FILIP1L: variants seen among roughly 807,000 people sequenced by gnomAD.
FILIP1L encodes the protein filamin A-interacting protein 1-like.
In FILIP1L, 55 loss-of-function variants were observed where a neutral mutation model predicts 96.6. That is an observed-to-expected ratio of 0.57 (90% confidence interval 0.46 to 0.71). The LOEUF (loss-of-function observed/expected upper bound fraction) is 0.71. Ranked by LOEUF, FILIP1L falls within the 30% of genes least tolerant of loss-of-function variation. The probability of loss-of-function intolerance (pLI) is 0.00; values close to 1 mark genes in which losing one functional copy is unlikely to be tolerated. For synonymous variants in FILIP1L, 467 were observed against 473.9 expected, an observed-to-expected ratio of 0.99 and a Z score of 0.19; for missense variants, 1,304 against 1,321.2, an observed-to-expected ratio of 0.99 and a Z score of 0.20.
intron 5 of FILIP1L, among the ~76,000 whole-genome samples, chr3:99,842,628 C>T (rs531130039): frequency 6.6e-5 from 10 of 152,082 alleles, no homozygotes; most frequent in African/African-American, 2.4e-4. Context: ...CAAAATATTG[C>T]CTCAAATAAT....
chr3:99,950,299 C>G (rs1708138084), intron 1 of FILIP1L, among the ~76,000 whole-genome samples: 1 of 152,150 alleles, frequency 6.6e-6, no homozygotes, highest in Non-Finnish European at 1.5e-5. Flanking sequence ...AGAGCTCTTA[C>G]TAAATGTTAG....
intron 1 of FILIP1L, among the ~76,000 whole-genome samples, chr3:100,063,917 A>T (rs1413745484): frequency 6.6e-6 from 1 of 152,204 alleles, no homozygotes; most frequent in Non-Finnish European, 1.5e-5. Flanking sequence ...ATCTCTCCAC[A>T]TGTTTACCCC....
chr3:100,017,546 A>G (rs915796627), intron 1 of FILIP1L, among the ~76,000 whole-genome samples: 1 of 152,204 alleles, frequency 6.6e-6, no homozygotes, highest in African/African-American at 2.4e-5. Context: ...TTGTATATGT[A>G]CTTTGTGCTG....
chr3:99,865,284 A>G (rs1246235324), intron 4 of FILIP1L, among the ~76,000 whole-genome samples: 1 of 152,234 alleles, frequency 6.6e-6, no homozygotes, highest in Admixed American at 6.5e-5. Context: ...TGGCAGAGCC[A>G]GAATGCCAGT....
At chr3:99,890,798 C>T (rs1706060112) in intron 4 of FILIP1L, among the ~76,000 whole-genome samples, 1 of 151,612 alleles carries the variant, frequency 6.6e-6, no homozygotes, top group South Asian at 2.1e-4. Context: ...GAGGTCTTTG[C>T]AGCTCTGATT....
chr3:100,107,116 C>G (rs191021119), intron 1 of FILIP1L, among the ~76,000 whole-genome samples: 2 of 152,168 alleles, frequency 1.3e-5, no homozygotes, highest in East Asian at 3.9e-4. Flanking sequence ...TCTTTATATT[C>G]TTCCATACAG....
chr3:99,856,998 A>T (rs746014474), intron 4 of FILIP1L, among the ~76,000 whole-genome samples: 4 of 152,146 alleles, frequency 2.6e-5, no homozygotes, highest in Non-Finnish European at 5.9e-5. Flanking sequence ...TAAAATACAG[A>T]CTTCTTGAGA....
At chr3:99,964,897 A>G (rs1014741130) in intron 1 of FILIP1L, among the ~76,000 whole-genome samples, 6 of 152,200 alleles carry the variant, frequency 3.9e-5, no homozygotes, top group Admixed American at 2.0e-4. Context: ...CATCAGTCCC[A>G]TAGTGCACAG....
intron 1 of FILIP1L, among the ~76,000 whole-genome samples, chr3:100,076,695 G>A (rs1043137666): frequency 6.6e-6 from 1 of 152,150 alleles, no homozygotes; most frequent in Non-Finnish European, 1.5e-5. Flanking sequence ...CATGAATATT[G>A]TTTGACTTCA....
At chr3:99,920,898 C>A (rs576523603) in intron 4 of FILIP1L, among the ~76,000 whole-genome samples, 72 of 152,206 alleles carry the variant, frequency 4.7e-4, no homozygotes, top group African/African-American at 1.7e-3. Flanking sequence ...GTTTTATTTC[C>A]AGGTAGATAC....
intron 1 of FILIP1L, among the ~76,000 whole-genome samples, chr3:99,988,341 CA>C (rs63321762): frequency 0.35 from 21,700 of 62,348 alleles, 3,375 homozygotes; most frequent in Non-Finnish European, 0.36. Flanking sequence ...ACTAAAAATC[CA>C]AAAAAAAAAA....
chr3:100,077,601 G>A (rs1454414824), intron 1 of FILIP1L, among the ~76,000 whole-genome samples: 1 of 152,148 alleles, frequency 6.6e-6, no homozygotes, highest in East Asian at 1.9e-4. Context: ...TAGTAAAACA[G>A]TACAGAATGA....
intron 4 of FILIP1L, among the ~76,000 whole-genome samples, chr3:99,911,035 G>T (rs1311992501): frequency 6.6e-6 from 1 of 152,026 alleles, no homozygotes; most frequent in African/African-American, 2.4e-5. Context: ...ATATCTCATT[G>T]CCGTTTGTTC....
intron 1 of FILIP1L, among the ~76,000 whole-genome samples, chr3:99,958,236 TA>T (rs1363002307): frequency 6.8e-6 from 1 of 146,888 alleles, no homozygotes; most frequent in Non-Finnish European, 1.5e-5. Flanking sequence ...TTATTATTAT[TA>T]TTATTATTAT....
rs1553702701 is a variant in FILIP1L, at chr3:99,983,389, A to AATATGTATATAT, written c.-10-52360_-10-52359insATATATACATAT. On this transcript the variant is annotated intron_variant, in intron 1 of 5. Coordinates refer to ENST00000477258, the MANE Select transcript of FILIP1L (RefSeq NM_001387850.1). ...TCTCTACTTAAAAAATAAATAAATA[A>AATATGTATATAT]ATATATATATATATATATATATATA... Among the ~76,000 whole-genome samples the AATATGTATATAT allele has an allele frequency of 1.8e-3, 72 of 40,762 alleles. 4 individuals carry two copies. The highest frequency in any genetic ancestry group is 3.0e-3 in the Admixed American group (9 of 2,984). The allele number at this position is 40,762 out of a possible 152,430, so 26.7% of individuals were successfully genotyped here.
chr3:99,927,352 T>C (rs964596783), intron 3 of FILIP1L, among the ~76,000 whole-genome samples: 1 of 151,966 alleles, frequency 6.6e-6, no homozygotes, highest in African/African-American at 2.4e-5. Flanking sequence ...AAATCCAAAA[T>C]GTTGTTATAT....
chr3:99,947,409 ACCATTCTCC>A (rs1349674631), intron 1 of FILIP1L, among the ~76,000 whole-genome samples: 1 of 152,114 alleles, frequency 6.6e-6, no homozygotes, highest in African/African-American at 2.4e-5. Context: ...TATTTATGTA[ACCATTCTCC>A]TATTATTGGA....
intron 1 of FILIP1L, among the ~76,000 whole-genome samples, chr3:100,019,742 C>T (rs761167136): frequency 4.6e-4 from 70 of 152,144 alleles, no homozygotes; most frequent in Non-Finnish European, 7.8e-4. Context: ...GATTCACATT[C>T]TACAGAACTA....
intron 1 of FILIP1L, among the ~76,000 whole-genome samples, chr3:100,007,684 T>G (rs1346073422): frequency 6.6e-6 from 1 of 152,186 alleles, no homozygotes; most frequent in Non-Finnish European, 1.5e-5. Context: ...ACCAAAAAAG[T>G]GTGTCACTGA....
Sources: allele counts gnomAD v4.1 joint callset (sites outside exome capture counted in the v4.1 genomes callset), GRCh38; gene constraint gnomAD v4.1.1; transcripts MANE v1.5; gene names NCBI Gene and HGNC (gene_info 2026-07-23, HGNC 2026-07-21).